The following KLHL29 variants were observed in gnomAD, a reference collection of about 807,000 sequenced individuals.
KLHL29 encodes the protein kelch like family member 29, also known as kelch-like protein 29.
A neutral mutation model predicts 80.4 loss-of-function variants in KLHL29; 21 were observed. The observed-to-expected ratio is 0.26, with a 90% CI of 0.19 to 0.38. KLHL29 has a LOEUF of 0.38. KLHL29 is among the 10% of genes least tolerant of loss of function. The pLI, the probability that KLHL29 is intolerant of heterozygous loss-of-function variation, is 1.00. For synonymous variants in KLHL29, 511 were observed against 526.8 expected, an observed-to-expected ratio of 0.97 and a Z score of 0.41; for missense variants, 867 against 1,223.9, an observed-to-expected ratio of 0.71 and a Z score of 4.35.
chr2:23,500,118 T>TC (rs760081446), intron 2 of KLHL29, among the ~76,000 whole-genome samples: 95 of 152,220 alleles, frequency 6.2e-4, no homozygotes, highest in Middle Eastern at 3.4e-3. Flanking sequence ...GTAGATATTC[T>TC]CCCCAGCCCT....
At chr2:23,495,408 G>A (rs1253332984) in intron 2 of KLHL29, among the ~76,000 whole-genome samples, 1 of 152,210 alleles carries the variant, frequency 6.6e-6, no homozygotes, top group Non-Finnish European at 1.5e-5. Flanking sequence ...TTGCAGCAGA[G>A]GTGTTGAGGT....
At chr2:23,474,002 C>A (rs1268913812) in intron 1 of KLHL29, among the ~76,000 whole-genome samples, 2 of 152,284 alleles carry the variant, frequency 1.3e-5, no homozygotes, top group East Asian at 3.9e-4. Context: ...TGGCCCTGCC[C>A]ACCCTACTTA....
At chr2:23,474,512 C>T (rs549735349) in intron 1 of KLHL29, among the ~76,000 whole-genome samples, 3 of 152,274 alleles carry the variant, frequency 2.0e-5, no homozygotes, top group South Asian at 2.1e-4. Flanking sequence ...TTTGCTTCCC[C>T]GCAGAGGTTA....
intron 3 of KLHL29, among the ~76,000 whole-genome samples, chr2:23,638,923 G>A (rs986824817): frequency 6.6e-6 from 1 of 152,192 alleles, no homozygotes; most frequent in African/African-American, 2.4e-5. Flanking sequence ...CAGGAGCTTA[G>A]CAGAGGTCCC....
chr2:23,520,640 T>G (rs1215867037), intron 2 of KLHL29, among the ~76,000 whole-genome samples: 3 of 152,192 alleles, frequency 2.0e-5, no homozygotes, highest in Non-Finnish European at 4.4e-5. Context: ...TTTATACAAG[T>G]CTTTTCTTTC....
chr2:23,442,765 G>A (rs1663567577), intron 1 of KLHL29, among the ~76,000 whole-genome samples: 1 of 152,136 alleles, frequency 6.6e-6, no homozygotes. Flanking sequence ...TGTGGGAGGG[G>A]CCATACACAG....
In KLHL29 at chr2:23,707,207, G is replaced by A. The variant is rs1331365156; in HGVS notation, c.*543G>A. On this transcript the variant is annotated 3_prime_UTR_variant, in exon 14 of 14. Transcript: ENST00000486442. ...TGCTGGTCCCCACTGGGGCTGAAGA[G>A]AAGCCCAGCTGCCCACGCGGAGCCA... 1 of 152,280 alleles carries A rather than the reference G, an allele frequency of 6.6e-6. No individual in the cohort carries two copies. Among genetic ancestry groups the A allele is most frequent in the Non-Finnish European group, 1.5e-5 (1 of 68,088 alleles). The allele number at this position is 152,280 out of a possible 1,614,324, so 9.4% of individuals were successfully genotyped here. A position where few individuals can be genotyped will look rare whatever the true frequency, so the allele number is the denominator to read the frequency against.
intron 3 of KLHL29, among the ~76,000 whole-genome samples, chr2:23,582,744 A>G (rs1277738694): frequency 6.6e-6 from 1 of 152,170 alleles, no homozygotes; most frequent in Non-Finnish European, 1.5e-5. Context: ...AAAGGAACCC[A>G]TCTCTTCTTG....
intron 5 of KLHL29, among the ~76,000 whole-genome samples, chr2:23,654,980 C>T (rs1670203892): frequency 6.6e-6 from 1 of 152,184 alleles, no homozygotes; most frequent in African/African-American, 2.4e-5. Context: ...GGGCAAGTCC[C>T]ACAAGTGGCT....
intron 12 of KLHL29, 75 bp from the exon 13 acceptor site, chr2:23,703,644 G>A (rs1417437529): frequency 2.7e-5 from 39 of 1,443,346 alleles, no homozygotes; most frequent in Admixed American, 2.2e-4. Context: ...TTCCCTGGAG[G>A]GTCTTCTGGG....
chr2:23,501,371 G>A (rs1413487189), intron 2 of KLHL29, among the ~76,000 whole-genome samples: 4 of 152,086 alleles, frequency 2.6e-5, no homozygotes, highest in Non-Finnish European at 5.9e-5. Flanking sequence ...CGGGGAAAGA[G>A]GCTATACAGG....
intron 2 of KLHL29, among the ~76,000 whole-genome samples, chr2:23,509,984 A>T (rs934365): frequency 0.14 from 21,563 of 152,250 alleles, 2,233 homozygotes; most frequent in East Asian, 0.56. Flanking sequence ...ATTCCAAAAA[A>T]GATTTCCATT....
chr2:23,480,398 A>G (rs140098922), intron 2 of KLHL29, among the ~76,000 whole-genome samples: 25 of 152,034 alleles, frequency 1.6e-4, no homozygotes, highest in African/African-American at 6.0e-4. Context: ...GAGGCAGGAG[A>G]GTTGCTTGAA....
chr2:23,545,066 C>T (rs756577631), intron 2 of KLHL29, among the ~76,000 whole-genome samples: 3 of 152,136 alleles, frequency 2.0e-5, no homozygotes, highest in Non-Finnish European at 4.4e-5. Flanking sequence ...GAGGCTGTGG[C>T]AGAAATCCAG....
chr2:23,569,125 C>A lies in KLHL29; in HGVS notation c.285+6644C>A, dbSNP rs115489113. On this transcript the variant is annotated intron_variant, in intron 3 of 13. Coordinates refer to ENST00000486442, the MANE Select transcript of KLHL29 (RefSeq NM_052920.2). ...GGAACACTGCTGTCCCCAGGACATG[C>A]AGAAGGACATATGCTAACCTACTGA... is the stretch of plus-strand genomic sequence containing the variant. Among the ~76,000 whole-genome samples, 1,177 of 152,358 alleles carry A rather than the reference C, an allele frequency of 7.7e-3. 19 individuals are homozygous for A. Among genetic ancestry groups the A allele is most frequent in the African/African-American group, 0.027 (1,120 of 41,578 alleles).
In KLHL29 at chr2:23,560,706, G is replaced by A. The variant is rs1348481297; in HGVS notation, c.-45-1446G>A. 3.3e-5 allele frequency among the ~76,000 whole-genome samples: 5 copies of A among 152,302 alleles called. No individual in the cohort carries two copies. The East Asian group carries it at 9.7e-4, about 29-fold the overall frequency. The stretch of plus-strand genomic sequence containing the variant: ...CAGGCGGGGCTGCAGGCTTCACCTG[G>A]GCTGCAGGGTGGGTTCAGGTCTGCC... On this transcript the variant is annotated intron_variant, in intron 2 of 13. Transcript: ENST00000486442.
intron 5 of KLHL29, among the ~76,000 whole-genome samples, chr2:23,649,839 T>C (rs914295506): frequency 6.6e-6 from 1 of 152,212 alleles, no homozygotes; most frequent in Non-Finnish European, 1.5e-5. Context: ...CCAGCCGCTG[T>C]CTTCCTTCAG....
At chr2:23,519,994 G>A (rs973120483) in intron 2 of KLHL29, among the ~76,000 whole-genome samples, 2 of 152,182 alleles carry the variant, frequency 1.3e-5, no homozygotes, top group Admixed American at 1.3e-4. Flanking sequence ...ATGGGAGGCT[G>A]GTTTGCCCTA....
In KLHL29 at chr2:23,642,475, C is replaced by G; in HGVS notation, c.565C>G (p.Leu189Val). The change falls in exon 5 of 14, where the codon CTG becomes GTG. Residue 189 changes from leucine (L) to valine (V), a missense_variant. Physicochemically the swap from Leu to Val is conservative, Grantham distance 32. Transcript: ENST00000486442. ...CCCGGTCATTGGGGTGACCCCCTCA[C>G]TGCCTCCCCACGTGGGGCCCCAGCT... ...QAPVIGVTPS[L>V]PPHVGPQLPL... 1 of 1,514,988 alleles carries G rather than the reference C, an allele frequency of 6.6e-7. No homozygotes were observed. Among genetic ancestry groups the G allele is most frequent in the Non-Finnish European group, 8.9e-7 (1 of 1,126,876 alleles). 93.8% of individuals were successfully genotyped at this position (1,514,988 alleles called of 1,614,324 possible).
Sources: gnomAD v4.1 joint callset for allele counts (sites outside exome capture counted in the v4.1 genomes callset) on GRCh38, gnomAD v4.1.1 for gene constraint, MANE v1.5 for transcripts, NCBI Gene and HGNC (gene_info 2026-07-23, HGNC 2026-07-21) for gene names.